The following UNC5C variants were observed in gnomAD, a reference collection of about 807,000 sequenced individuals.
The protein encoded by UNC5C is netrin receptor UNC5C.
UNC5C carries 47 observed loss-of-function variants against 99.8 expected under a neutral mutation model. The ratio of observed to expected loss-of-function variants is 0.47; its 90% CI spans 0.37 to 0.60. The LOEUF (loss-of-function observed/expected upper bound fraction) is 0.60. Ranked by LOEUF, UNC5C falls within the 20% of genes least tolerant of loss-of-function variation. UNC5C has a pLI of 0.00. For synonymous variants in UNC5C, 487 were observed against 452.2 expected, an observed-to-expected ratio of 1.08 and a Z score of -0.98; for missense variants, 1,062 against 1,165.9, an observed-to-expected ratio of 0.91 and a Z score of 1.30.
At chr4:95,363,184 T>G (rs561290352) in intron 1 of UNC5C, among the ~76,000 whole-genome samples, 172 of 152,242 alleles carry the variant, frequency 1.1e-3, no homozygotes, top group African/African-American at 3.2e-3. Flanking sequence ...TATCTGAGTT[T>G]TTAGGGGGAG....
At chr4:95,389,951 G>T (rs889805827) in intron 1 of UNC5C, among the ~76,000 whole-genome samples, 2 of 152,050 alleles carry the variant, frequency 1.3e-5, no homozygotes, top group Non-Finnish European at 2.9e-5. Context: ...AGTATGTAGT[G>T]CCCATTATGG....
intron 1 of UNC5C, among the ~76,000 whole-genome samples, chr4:95,368,870 G>T (rs1460602026): frequency 4.6e-5 from 7 of 151,366 alleles, no homozygotes; most frequent in Admixed American, 3.3e-4. Context: ...TTTTTTCCTT[G>T]TACCAAGTTT....
At chr4:95,398,147 A>G (rs938067169) in intron 1 of UNC5C, among the ~76,000 whole-genome samples, 1 of 151,342 alleles carries the variant, frequency 6.6e-6, no homozygotes, top group Non-Finnish European at 1.5e-5. Flanking sequence ...AACACATGCA[A>G]ATGAAAACAC....
rs560309322 is a variant in UNC5C at position 95,343,649 on chromosome 4, C to A, written c.125-8018G>T. ...GAGATATATGACCTTTCAGAGAATT[C>A]AAAATAACTGCTTTGAGGAAGTTCA... On this transcript the variant is annotated intron_variant, in intron 1 of 15. Coordinates refer to ENST00000453304, the MANE Select transcript of UNC5C (RefSeq NM_003728.4). Among the ~76,000 whole-genome samples, 4 of 152,046 alleles carry A rather than the reference C, an allele frequency of 2.6e-5. No homozygotes were observed. In the South Asian group the frequency reaches 8.3e-4, roughly 32 times the overall value.
At chr4:95,422,352 T>C (rs1161875164) in intron 1 of UNC5C, among the ~76,000 whole-genome samples, 1 of 152,194 alleles carries the variant, frequency 6.6e-6, no homozygotes. Flanking sequence ...ATGGAGCTTA[T>C]CACTCCCATC....
At chr4:95,524,586 C>T (rs985000551) in intron 1 of UNC5C, among the ~76,000 whole-genome samples, 1 of 152,140 alleles carries the variant, frequency 6.6e-6, no homozygotes, top group African/African-American at 2.4e-5. Flanking sequence ...GCAGTGAGAA[C>T]CTGGAGTCTT....
chr4:95,412,115 C>T (rs1390749907), intron 1 of UNC5C, among the ~76,000 whole-genome samples: 2 of 151,840 alleles, frequency 1.3e-5, no homozygotes, highest in African/African-American at 4.8e-5. Context: ...TTCATCTCAT[C>T]TCTGGTCATT....
At chr4:95,389,182 A>T (rs776306861) in intron 1 of UNC5C, among the ~76,000 whole-genome samples, 17 of 152,186 alleles carry the variant, frequency 1.1e-4, no homozygotes, top group Non-Finnish European at 1.8e-4. Context: ...GCACATGGTT[A>T]TACAAACCCA....
chr4:95,236,326 C>T lies in UNC5C; in HGVS notation c.1108+6103G>A, dbSNP rs375452475. 4.2e-4 allele frequency among the ~76,000 whole-genome samples: 64 copies of T among 151,684 alleles called. No individual in the cohort carries two copies. In the South Asian group the frequency reaches 0.011, roughly 27 times the overall value. The stretch of plus-strand genomic sequence containing the variant: ...GAAACCATCATTCTCAGCAAACTAT[C>T]GCAAGGACAAAAAACCAAACATCGC... On this transcript the variant is annotated intron_variant, in intron 7 of 15. Coordinates refer to ENST00000453304, the MANE Select transcript of UNC5C (RefSeq NM_003728.4).
intron 1 of UNC5C, among the ~76,000 whole-genome samples, chr4:95,483,349 T>C (rs1322209604): frequency 6.6e-6 from 1 of 151,836 alleles, no homozygotes; most frequent in Non-Finnish European, 1.5e-5. Context: ...TATCTTTAAC[T>C]CTTTCTCTTT....
intron 3 of UNC5C, among the ~76,000 whole-genome samples, chr4:95,292,508 T>G (rs937406032): frequency 1.3e-5 from 2 of 152,104 alleles, no homozygotes; most frequent in African/African-American, 4.8e-5. Flanking sequence ...CCCTAGGCGT[T>G]TTGAATTAAT....
intron 1 of UNC5C, among the ~76,000 whole-genome samples, chr4:95,539,880 G>A (rs923205534): frequency 1.5e-4 from 22 of 151,004 alleles, no homozygotes; most frequent in African/African-American, 3.9e-4. Context: ...CCTTGCTACC[G>A]GGAAAACATA....
intron 12 of UNC5C, among the ~76,000 whole-genome samples, chr4:95,191,646 G>T (rs1737099866): frequency 7.3e-6 from 1 of 137,678 alleles, no homozygotes; most frequent in Admixed American, 7.3e-5. Context: ...ATGCTCACCT[G>T]CTCCTCTGTT....
intron 1 of UNC5C, among the ~76,000 whole-genome samples, chr4:95,495,157 T>C (rs1370219655): frequency 6.6e-6 from 1 of 151,584 alleles, no homozygotes; most frequent in Admixed American, 6.6e-5. Flanking sequence ...CAAATTATTG[T>C]TCTCTATTTT....
chr4:95,434,214 CT>C (rs1746711009), intron 1 of UNC5C, among the ~76,000 whole-genome samples: 1 of 152,122 alleles, frequency 6.6e-6, no homozygotes, highest in African/African-American at 2.4e-5. Flanking sequence ...TTATAGCCCT[CT>C]TTGATCTCTT....
intron 1 of UNC5C, among the ~76,000 whole-genome samples, chr4:95,517,298 G>C (rs1313178104): frequency 2.0e-5 from 3 of 152,018 alleles, no homozygotes; most frequent in South Asian, 2.1e-4. Flanking sequence ...TTCATCTGTT[G>C]TTCAATTATG....
At chr4:95,360,369 G>A (rs60078797) in intron 1 of UNC5C, among the ~76,000 whole-genome samples, 17 of 152,250 alleles carry the variant, frequency 1.1e-4, no homozygotes, top group African/African-American at 4.1e-4. Context: ...ACAATATGAA[G>A]AGGAGCAGTA....
chr4:95,428,077 T>G (rs1746533488), intron 1 of UNC5C, among the ~76,000 whole-genome samples: 1 of 150,002 alleles, frequency 6.7e-6, no homozygotes, highest in South Asian at 2.1e-4. Context: ...AGGGTTTTGT[T>G]TTTTTTTTTT....
At chr4:95,384,185 T>C (rs1012310788) in intron 1 of UNC5C, among the ~76,000 whole-genome samples, 3 of 152,176 alleles carry the variant, frequency 2.0e-5, no homozygotes, top group Non-Finnish European at 2.9e-5. Flanking sequence ...CTGTACCTAC[T>C]TTTTTAGTTT....
Sources: gnomAD v4.1 joint callset for allele counts (sites outside exome capture counted in the v4.1 genomes callset) on GRCh38, gnomAD v4.1.1 for gene constraint, MANE v1.5 for transcripts, NCBI Gene and HGNC (gene_info 2026-07-23, HGNC 2026-07-21) for gene names.